PTPRG: variants seen among roughly 807,000 people sequenced by gnomAD.
PTPRG encodes protein tyrosine phosphatase receptor type G.
A neutral mutation model predicts 165.3 loss-of-function variants in PTPRG; 102 were observed. The observed-to-expected ratio is 0.62, with a 90% CI of 0.53 to 0.73. PTPRG has a LOEUF of 0.73. PTPRG is among the 30% of genes least tolerant of loss of function. The pLI, the probability that PTPRG is intolerant of heterozygous loss-of-function variation, is 0.00. For synonymous variants in PTPRG, 675 were observed against 669.5 expected, an observed-to-expected ratio of 1.01 and a Z score of -0.13; for missense variants, 1,866 against 1,861.4, an observed-to-expected ratio of 1.00 and a Z score of -0.05.
chr3:61,843,269 T>A (rs1197350618), intron 2 of PTPRG, among the ~76,000 whole-genome samples: 1 of 152,136 alleles, frequency 6.6e-6, no homozygotes, highest in Non-Finnish European at 1.5e-5. Flanking sequence ...AATCAAGGGT[T>A]TATACTGTAA....
intron 2 of PTPRG, among the ~76,000 whole-genome samples, chr3:61,832,241 C>T (rs984502840): frequency 2.0e-5 from 3 of 152,196 alleles, no homozygotes; most frequent in Admixed American, 2.0e-4. Context: ...ATAGAAGCTC[C>T]ACTTTCAAAA....
At chr3:61,766,168 T>C (rs1261159179) in intron 2 of PTPRG, among the ~76,000 whole-genome samples, 1 of 152,226 alleles carries the variant, frequency 6.6e-6, no homozygotes, top group Non-Finnish European at 1.5e-5. Flanking sequence ...GGAATGATAA[T>C]ATCATACCAA....
In PTPRG at chr3:61,961,593, A is replaced by C. The variant is rs951354645; in HGVS notation, c.191-28032A>C. ...CTTGTCTGGAAGTCTTGTTTGTTTG[A>C]TCTTCAGAGTATTTTAAAAATAGAA... is the stretch of plus-strand genomic sequence containing the variant. On this transcript the variant is annotated intron_variant, in intron 2 of 29. Coordinates refer to ENST00000474889, the MANE Select transcript of PTPRG (RefSeq NM_002841.4). 3.3e-5 allele frequency among the ~76,000 whole-genome samples: 5 copies of C among 152,108 alleles called. No individual in the cohort carries two copies. In the South Asian group the frequency reaches 1.0e-3, roughly 31 times the overall value.
intron 15 of PTPRG, among the ~76,000 whole-genome samples, chr3:62,248,548 T>C (rs954207667): frequency 6.6e-6 from 1 of 152,178 alleles, no homozygotes; most frequent in Non-Finnish European, 1.5e-5. Flanking sequence ...AAAAATCTAG[T>C]GACTCAGGAA....
At chr3:61,728,677 TA>T (rs1231758108) in intron 1 of PTPRG, among the ~76,000 whole-genome samples, 1 of 135,932 alleles carries the variant, frequency 7.4e-6, no homozygotes, top group Non-Finnish European at 1.6e-5. Flanking sequence ...AAGAGCTATG[TA>T]TTTTTTTTGT....
At chr3:61,781,395 A>G (rs904446570) in intron 2 of PTPRG, among the ~76,000 whole-genome samples, 3 of 152,206 alleles carry the variant, frequency 2.0e-5, no homozygotes, top group African/African-American at 4.8e-5. Flanking sequence ...AAGTTTGACA[A>G]CTGTCCTTTG....
In PTPRG at chr3:62,078,250, T is replaced by C. The variant is rs1381823174; in HGVS notation, c.607T>C (p.Phe203Leu). Residue 203 changes from phenylalanine (F) to leucine (L), a missense_variant, in exon 5 of 30, where the codon TTT becomes CTT. Transcript: ENST00000474889. Reference protein sequence around the residue: ...ENRIIGAMAIFFQVSPRDNSA... With the variant: ...ENRIIGAMAILFQVSPRDNSA... ...CAGAATAATCGGAGCCATGGCCATA[T>C]TTTTTCAAGTAAGTTAACAGTGGCT... is the stretch of plus-strand genomic sequence containing the variant. 2.5e-6 allele frequency: 4 copies of C among 1,592,164 alleles called. No individual in the cohort carries two copies. The highest frequency in any genetic ancestry group is 3.4e-6 in the Non-Finnish European group (4 of 1,168,214).
chr3:62,185,114 A>G (rs1480852993), intron 8 of PTPRG, among the ~76,000 whole-genome samples: 2 of 152,126 alleles, frequency 1.3e-5, no homozygotes, highest in African/African-American at 2.4e-5. Context: ...GTGCTCTGCT[A>G]GAAGACTCTT....
chr3:61,972,312 G>T (rs2040402402), intron 2 of PTPRG, among the ~76,000 whole-genome samples: 1 of 152,198 alleles, frequency 6.6e-6, no homozygotes, highest in African/African-American at 2.4e-5. Flanking sequence ...TGATCAGGGA[G>T]GTAAATTTGG....
At chr3:61,882,811 G>T (rs866154967) in intron 2 of PTPRG, among the ~76,000 whole-genome samples, 1 of 152,134 alleles carries the variant, frequency 6.6e-6, no homozygotes, top group African/African-American at 2.4e-5. Context: ...AGACCCACAG[G>T]AGGTATTTGC....
At chr3:61,723,887 C>T (rs1239516364) in intron 1 of PTPRG, among the ~76,000 whole-genome samples, 1 of 152,174 alleles carries the variant, frequency 6.6e-6, no homozygotes, top group African/African-American at 2.4e-5. Flanking sequence ...TCTACTATCT[C>T]CAAATGGTGG....
chr3:62,268,307 T>C (rs898120755), intron 19 of PTPRG, among the ~76,000 whole-genome samples: 1 of 151,966 alleles, frequency 6.6e-6, no homozygotes, highest in Non-Finnish European at 1.5e-5. Context: ...TTTAAAAAAA[T>C]GATTAGTGCT....
chr3:62,065,271 G>C (rs1700973506), intron 4 of PTPRG, among the ~76,000 whole-genome samples: 1 of 152,268 alleles, frequency 6.6e-6, no homozygotes, highest in African/African-American at 2.4e-5. Flanking sequence ...TTTTTTTAGA[G>C]GTAGTGATTT....
chr3:61,917,689 C>G lies in PTPRG; in HGVS notation c.191-71936C>G, dbSNP rs12491984. On this transcript the variant is annotated intron_variant, in intron 2 of 29. Coordinates refer to ENST00000474889, the MANE Select transcript of PTPRG (RefSeq NM_002841.4). ...TCACGCCTGTAATCCCAGCACTTTG[C>G]GAGGCTGAGGCAGGCGGATCACCTG... 9.3e-3 allele frequency among the ~76,000 whole-genome samples: 1,422 copies of G among 152,204 alleles called. 61 individuals carry two copies. The highest frequency in any genetic ancestry group is 0.069 in the Admixed American group (1,054 of 15,302).
intron 2 of PTPRG, among the ~76,000 whole-genome samples, chr3:61,830,764 G>C (rs767144440): frequency 5.9e-5 from 9 of 151,758 alleles, no homozygotes; most frequent in Non-Finnish European, 1.2e-4. Context: ...AGTAGAGATG[G>C]GGATTCTCCA....
intron 15 of PTPRG, among the ~76,000 whole-genome samples, chr3:62,248,294 A>C (rs1701335604): frequency 6.6e-6 from 1 of 152,140 alleles, no homozygotes; most frequent in South Asian, 2.1e-4. Flanking sequence ...AGATACGTTA[A>C]ACTGTGACTT....
At chr3:61,766,861 C>G (rs963072066) in intron 2 of PTPRG, among the ~76,000 whole-genome samples, 5 of 151,826 alleles carry the variant, frequency 3.3e-5, no homozygotes, top group African/African-American at 7.2e-5. Context: ...CTCAAATGAT[C>G]TGCACACCTT....
rs147806688 is a variant in PTPRG, at chr3:62,181,876, A to G, written c.1034-9593A>G. On this transcript the variant is annotated intron_variant, in intron 8 of 29. Coordinates refer to ENST00000474889, the MANE Select transcript of PTPRG (RefSeq NM_002841.4). ...AACATGAAGGAAATTTTGAAATGCAACTGAGTCCTGAACACCATGGAGATT... is the reference window on the plus strand; with the variant it reads ...AACATGAAGGAAATTTTGAAATGCAGCTGAGTCCTGAACACCATGGAGATT... 5.0e-3 allele frequency among the ~76,000 whole-genome samples: 761 copies of G among 152,328 alleles called. 2 individuals are homozygous for G. Among genetic ancestry groups the G allele is most frequent in the African/African-American group, 0.013 (545 of 41,574 alleles).
Position 62,254,103 on chromosome 3 carries a change from G to A in PTPRG, c.2468-1021G>A, listed in dbSNP as rs942449255. Among the ~76,000 whole-genome samples the A allele has an allele frequency of 6.6e-6, 1 of 152,124 alleles. No individual in the cohort carries two copies. Among genetic ancestry groups the A allele is most frequent in the African/African-American group, 2.4e-5 (1 of 41,430 alleles). ...AAGAGAAATCAGATTGTCAGGCCTG[G>A]ATCTATAAAATTCTTGCCAAAGTAG... On this transcript the variant is annotated intron_variant, in intron 15 of 29. Coordinates refer to ENST00000474889, the MANE Select transcript of PTPRG (RefSeq NM_002841.4). This position sits in a 1 kb window ranked among gnomAD's most constrained non-coding sequence, Gnocchi z 4.6.
Sources: gnomAD v4.1 joint callset for allele counts (sites outside exome capture counted in the v4.1 genomes callset) on GRCh38, gnomAD v4.1.1 for gene constraint, Gnocchi (gnomAD v3.1) non-coding constraint, MANE v1.5 for transcripts, NCBI Gene and HGNC (gene_info 2026-07-23, HGNC 2026-07-21) for gene names.